PCDHA13: variants seen among roughly 807,000 people sequenced by gnomAD.
PCDHA13 encodes protocadherin alpha-13.
In PCDHA13, 54 loss-of-function variants were observed where a neutral mutation model predicts 64.8. The observed-to-expected ratio is 0.83, with a 90% CI of 0.67 to 1.04. PCDHA13 has a LOEUF of 1.04. Among genes scored for constraint, PCDHA13 ranks in the 50% least tolerant of loss-of-function variants. PCDHA13 has a pLI of 0.00. For synonymous variants in PCDHA13, 587 were observed against 564.4 expected (o/e 1.04, Z -0.57); for missense variants, 1,248 against 1,254.3 (o/e 0.99, Z 0.08).
chr5:140,940,468 C>A (rs2092618066), intron 1 of PCDHA13, among the ~76,000 whole-genome samples: 1 of 151,866 alleles, frequency 6.6e-6, no homozygotes, highest in African/African-American at 2.4e-5. Flanking sequence ...CTGTTCCCTG[C>A]AATTTTTTTT....
chr5:140,994,272 CT>C (rs1359828811), intron 3 of PCDHA13, among the ~76,000 whole-genome samples: 4 of 152,168 alleles, frequency 2.6e-5, no homozygotes, highest in African/African-American at 9.7e-5. Flanking sequence ...GCTAGGCTGC[CT>C]TTCTTGAGAC....
chr5:140,941,310 C>T (rs1375547519), intron 1 of PCDHA13, among the ~76,000 whole-genome samples: 10 of 79,218 alleles, frequency 1.3e-4, no homozygotes, highest in Non-Finnish European at 1.8e-4. Flanking sequence ...CTTTCTTTTT[C>T]TTCTTTCTCT....
chr5:140,921,406 C>T (rs1436249655), intron 1 of PCDHA13, among the ~76,000 whole-genome samples: 8 of 152,092 alleles, frequency 5.3e-5, no homozygotes, highest in African/African-American at 1.9e-4. Flanking sequence ...CTAGATTTTC[C>T]TCTGTGCTGC....
At chr5:140,893,050 A>G (rs967159859) in intron 1 of PCDHA13, among the ~76,000 whole-genome samples, 1 of 152,248 alleles carries the variant, frequency 6.6e-6, no homozygotes, top group Non-Finnish European at 1.5e-5. Context: ...CTCCAGGCTC[A>G]GCCATACTGC....
chr5:140,942,435 A>G (rs1258382123), intron 1 of PCDHA13, among the ~76,000 whole-genome samples: 2 of 152,114 alleles, frequency 1.3e-5, no homozygotes, highest in East Asian at 3.9e-4. Flanking sequence ...ATCTAACAAT[A>G]AACAAGTAAA....
At chr5:140,941,217 T>TCCTTTCTTTCTTTCTTTCTTTCTG (rs2092892388) in intron 1 of PCDHA13, among the ~76,000 whole-genome samples, 1 of 126,078 alleles carries the variant, frequency 7.9e-6, no homozygotes, top group Non-Finnish European at 1.7e-5. Context: ...CTTTCTTCCT[T>TCCTTTCTTTCTTTCTTTCTTTCTG]TCTTTCTTTC....
In PCDHA13 at chr5:140,885,198, T is replaced by A. The variant is rs531029212; in HGVS notation, c.2394+536T>A. On this transcript the variant is annotated intron_variant, in intron 1 of 3. Coordinates refer to ENST00000289272, the MANE Select transcript of PCDHA13 (RefSeq NM_018904.3). ...TAGGCACATCAGTGTTCCCCTCTCATATATCCCATGAAAAATATCTTGTGA... is the reference window on the plus strand; with the variant it reads ...TAGGCACATCAGTGTTCCCCTCTCAAATATCCCATGAAAAATATCTTGTGA... Among the ~76,000 whole-genome samples the A allele has an allele frequency of 5.9e-5, 9 of 152,276 alleles. No homozygotes were observed. In the South Asian group the frequency reaches 1.7e-3, roughly 28 times the overall value.
At chr5:140,950,706 G>A (rs72802969) in intron 1 of PCDHA13, among the ~76,000 whole-genome samples, 841 of 152,058 alleles carry the variant, frequency 5.5e-3, no homozygotes, top group Middle Eastern at 0.017. Flanking sequence ...ACAAATTTTT[G>A]TTCCTTATAT....
chr5:141,011,662 G>C lies in PCDHA13; in HGVS notation c.*1725G>C, dbSNP rs1166635893. On this transcript the variant is annotated 3_prime_UTR_variant, in exon 4 of 4. Coordinates refer to ENST00000289272, the MANE Select transcript of PCDHA13 (RefSeq NM_018904.3). The stretch of plus-strand genomic sequence containing the variant: ...CAAGACTTCTGCTGGCAAGGGAATG[G>C]ATAAAGCTGTTTTGTTCTAGTAACA... 2.0e-5 allele frequency: 3 copies of C among 153,688 alleles called. No homozygotes were observed. Among genetic ancestry groups the C allele is most frequent in the African/African-American group, 7.2e-5 (3 of 41,414 alleles). The allele number at this position is 153,688 out of a possible 1,614,324, so 9.5% of individuals were successfully genotyped here.
At position 140,883,329 on chromosome 5, in the gene PCDHA13, C is replaced by T. The variant is rs1554177701; in HGVS notation, c.1061C>T (p.Ser354Phe). The T allele has an allele frequency of 6.2e-7, 1 of 1,614,166 alleles. No homozygotes were observed. Residue 354 changes from serine (S) to phenylalanine (F), a missense_variant, in exon 1 of 4, where the codon TCT becomes TTT. Ser to Phe is a radical substitution (Grantham distance 155, BLOSUM62 -2). Transcript: ENST00000289272. ...NDNAPEVTIT[S>F]LSLPIREDTQ... ...AACGCCCCAGAGGTTACCATCACTTCTTTGTCACTCCCCATCAGAGAAGAC... is the reference window on the plus strand; with the variant it reads ...AACGCCCCAGAGGTTACCATCACTTTTTTGTCACTCCCCATCAGAGAAGAC...
At chr5:140,975,206 T>G (rs2096657939) in intron 1 of PCDHA13, among the ~76,000 whole-genome samples, 1 of 152,232 alleles carries the variant, frequency 6.6e-6, no homozygotes, top group African/African-American at 2.4e-5. Context: ...TCTTCATGGC[T>G]GGCACTGGAG....
Position 140,882,252 on chromosome 5 carries a change from G to C in PCDHA13, c.-17G>C, listed in dbSNP as rs782433822. 6.3e-7 allele frequency: 1 copy of C among 1,597,600 alleles called. No individual in the cohort carries two copies. The highest frequency in any genetic ancestry group is 8.5e-7 in the Non-Finnish European group (1 of 1,170,760). ...TTGTATATATTGCAGATAGCTCTGA[G>C]GTTTTTGGAGTGTACCATGCTGTCT... On this transcript the variant is annotated 5_prime_UTR_variant, in exon 1 of 4. Coordinates refer to ENST00000289272, the MANE Select transcript of PCDHA13 (RefSeq NM_018904.3).
intron 3 of PCDHA13, among the ~76,000 whole-genome samples, 189 bp from the exon 4 acceptor site, chr5:141,009,438 T>C (rs1024999058): frequency 6.6e-6 from 1 of 152,190 alleles, no homozygotes; most frequent in African/African-American, 2.4e-5. Context: ...AGGGAAATCC[T>C]GTCTCAAAAA....
chr5:140,977,077 C>A (rs1303374839), intron 1 of PCDHA13, among the ~76,000 whole-genome samples: 1 of 152,138 alleles, frequency 6.6e-6, no homozygotes, highest in Non-Finnish European at 1.5e-5. Context: ...AGCAGCATGA[C>A]AAATTAAATG....
intron 1 of PCDHA13, among the ~76,000 whole-genome samples, chr5:140,941,255 C>CTTTCTTTCTT (rs782490896): frequency 0.012 from 539 of 44,464 alleles, 5 homozygotes; most frequent in Middle Eastern, 0.036. Context: ...TTCTTTCTTT[C>CTTTCTTTCTT]TCTTTCTTTC....
At chr5:140,968,665 T>C (rs782078145) in intron 1 of PCDHA13, 4 of 1,614,042 alleles carry the variant, frequency 2.5e-6, no homozygotes, top group Non-Finnish European at 3.4e-6. Context: ...TGGACCTCTT[T>C]AAGGTAGAGC....
chr5:140,916,717 T>C (rs781839792), intron 1 of PCDHA13, among the ~76,000 whole-genome samples: 1 of 151,908 alleles, frequency 6.6e-6, no homozygotes, highest in South Asian at 2.1e-4. Flanking sequence ...AAGGAAGGAG[T>C]GACTTTTGTT....
chr5:140,969,325 A>G (rs1490022353), intron 1 of PCDHA13: 1 of 1,614,000 alleles, frequency 6.2e-7, no homozygotes, highest in Non-Finnish European at 8.5e-7. Context: ...CTGTTTCTCA[A>G]AATGAGGTGA....
intron 1 of PCDHA13, among the ~76,000 whole-genome samples, chr5:140,901,473 A>C (rs1554189862): frequency 1.3e-5 from 2 of 152,012 alleles, no homozygotes. Flanking sequence ...TCTCGAGTTT[A>C]TGTTCTTGGC....
Sources: gnomAD v4.1 joint callset for allele counts (sites outside exome capture counted in the v4.1 genomes callset) on GRCh38, gnomAD v4.1.1 for gene constraint, MANE v1.5 for transcripts, NCBI Gene and HGNC (gene_info 2026-07-23, HGNC 2026-07-21) for gene names.